CYP4X1: variants seen among roughly 807,000 people sequenced by gnomAD.
The protein encoded by CYP4X1 is cytochrome P450 family 4 subfamily X member 1.
CYP4X1 carries 44 observed loss-of-function variants against 57.9 expected under a neutral mutation model. The ratio of observed to expected loss-of-function variants is 0.76; its 90% confidence interval spans 0.60 to 0.98. CYP4X1 has a LOEUF of 0.98. Ranked by LOEUF, CYP4X1 falls within the 50% of genes least tolerant of loss-of-function variation. The pLI, the probability that CYP4X1 is intolerant of heterozygous loss-of-function variation, is 0.00. For synonymous variants in CYP4X1, 227 were observed against 228.6 expected, an observed-to-expected ratio of 0.99 and a Z score of 0.06; for missense variants, 532 against 623.9, an observed-to-expected ratio of 0.85 and a Z score of 1.57.
the CYP4X1 span, among the ~76,000 whole-genome samples, chr1:47,006,265 T>C: frequency 6.6e-6 from 1 of 152,224 alleles, no homozygotes; most frequent in African/African-American, 2.4e-5. Flanking sequence ...ATTGTTCTTA[T>C]CTATAAGTGC....
intron 8 of CYP4X1, among the ~76,000 whole-genome samples, chr1:47,046,068 C>T (rs2148515586): frequency 6.6e-6 from 1 of 152,354 alleles, no homozygotes; most frequent in South Asian, 2.1e-4. Context: ...CCTTCCTTTT[C>T]CATGGCACTC....
At chr1:46,973,341 G>T in the CYP4X1 span, among the ~76,000 whole-genome samples, 4 of 152,050 alleles carry the variant, frequency 2.6e-5, no homozygotes, top group South Asian at 8.3e-4. Flanking sequence ...ATATTTTTTT[G>T]AGAATTTTTG....
chr1:46,985,102 C>G, the CYP4X1 span, among the ~76,000 whole-genome samples: 28 of 152,194 alleles, frequency 1.8e-4, no homozygotes, highest in African/African-American at 6.3e-4. Context: ...GAAGTTCCAA[C>G]TGGGCAGAGC....
At chr1:46,961,834 G>A in the CYP4X1 span, 2 of 1,214,040 alleles carry the variant, frequency 1.6e-6, no homozygotes, top group African/African-American at 3.1e-5. Flanking sequence ...GCCCTACTTA[G>A]TTGGTTATCC....
intron 4 of CYP4X1, 51 bp from the exon 5 acceptor site, chr1:47,035,755 C>A (rs1370714549): frequency 1.3e-6 from 2 of 1,573,590 alleles, no homozygotes; most frequent in South Asian, 1.2e-5. Flanking sequence ...CAAATGAAGG[C>A]AATTTGGTCA....
chr1:47,012,371 A>G, the CYP4X1 span, among the ~76,000 whole-genome samples: 1 of 152,156 alleles, frequency 6.6e-6, no homozygotes, highest in African/African-American at 2.4e-5. Flanking sequence ...GAACACTTGG[A>G]CACAGGGTGG....
the CYP4X1 span, among the ~76,000 whole-genome samples, chr1:46,993,895 ATGG>A: frequency 6.6e-6 from 1 of 152,070 alleles, no homozygotes; most frequent in Admixed American, 6.5e-5. Context: ...ATTCACTCTG[ATGG>A]TAGTTTCTTT....
At chr1:46,987,995 A>T in the CYP4X1 span, among the ~76,000 whole-genome samples, 3 of 152,202 alleles carry the variant, frequency 2.0e-5, no homozygotes, top group Non-Finnish European at 2.9e-5. Flanking sequence ...AAGAGCAAAC[A>T]TACTCAAAAG....
the CYP4X1 span, among the ~76,000 whole-genome samples, chr1:46,999,223 ACTTTT>A: frequency 6.6e-6 from 1 of 152,032 alleles, no homozygotes; most frequent in African/African-American, 2.4e-5. Context: ...TGATAGGTAG[ACTTTT>A]TATTACTGAT....
At chr1:46,991,038 TAAA>T in the CYP4X1 span, among the ~76,000 whole-genome samples, 2 of 138,718 alleles carry the variant, frequency 1.4e-5, no homozygotes, top group Non-Finnish European at 1.6e-5. Context: ...TCCCAGAACT[TAAA>T]AAAAAAAAAA....
At chr1:47,023,194 G>C (rs1644017863), upstream of CYP4X1, among the ~76,000 whole-genome samples, 1 of 152,220 alleles carries the variant, frequency 6.6e-6, no homozygotes, top group African/African-American at 2.4e-5. Flanking sequence ...TACCTGTATA[G>C]TGGAATTACT....
At chr1:47,034,289 T>TAG (rs2148508757) in intron 4 of CYP4X1, among the ~76,000 whole-genome samples, 1 of 152,282 alleles carries the variant, frequency 6.6e-6, no homozygotes, top group Admixed American at 6.5e-5. Flanking sequence ...TTTCCTCTTG[T>TAG]AGATAGTGGA....
At chr1:47,008,142 T>A in the CYP4X1 span, among the ~76,000 whole-genome samples, 1 of 151,932 alleles carries the variant, frequency 6.6e-6, no homozygotes, top group African/African-American at 2.4e-5. Context: ...AAAGTTGCAA[T>A]GAAGGAAAAA....
chr1:47,030,210 C>G, intron 2 of CYP4X1, 79 bp downstream of exon 2: 1 of 1,522,456 alleles, frequency 6.6e-7, no homozygotes, highest in South Asian at 1.3e-5. Context: ...GATTCCAAAG[C>G]AAAGATTGGT....
chr1:47,021,223 C>A (rs1334255655), upstream of CYP4X1, among the ~76,000 whole-genome samples: 2 of 142,824 alleles, frequency 1.4e-5, no homozygotes, highest in Non-Finnish European at 3.0e-5. Context: ...TGAGTTGTAG[C>A]AAGTATCAAA....
At chr1:46,983,578 G>C in the CYP4X1 span, among the ~76,000 whole-genome samples, 573 of 152,278 alleles carry the variant, frequency 3.8e-3, 4 homozygotes, top group African/African-American at 0.013. Flanking sequence ...GGCTGTGCTG[G>C]AGACCCAGGT....
At chr1:47,030,656 T>C (rs924339103) in intron 2 of CYP4X1, among the ~76,000 whole-genome samples, 1 of 152,212 alleles carries the variant, frequency 6.6e-6, no homozygotes, top group African/African-American at 2.4e-5. Context: ...CCCCACCCAA[T>C]CCTTTTTTAA....
At chr1:46,997,123 C>T in the CYP4X1 span, among the ~76,000 whole-genome samples, 2 of 151,956 alleles carry the variant, frequency 1.3e-5, no homozygotes, top group African/African-American at 4.8e-5. Flanking sequence ...TACTCCTTTA[C>T]AAAAACTGAA....
At chr1:46,988,434 A>G in the CYP4X1 span, among the ~76,000 whole-genome samples, 22 of 152,208 alleles carry the variant, frequency 1.4e-4, no homozygotes, top group Admixed American at 2.6e-4. Context: ...AGATGGATTC[A>G]CAGCCAAATT....
Sources: allele counts gnomAD v4.1 joint callset (sites outside exome capture counted in the v4.1 genomes callset), GRCh38; gene constraint gnomAD v4.1.1; transcripts MANE v1.5; gene names NCBI Gene and HGNC (gene_info 2026-07-23, HGNC 2026-07-21).